The following ACSS1 variants were observed in gnomAD, a reference collection of about 807,000 sequenced individuals.
ACSS1 encodes acyl-CoA synthetase short chain family member 1, also known as acetyl-coenzyme A synthetase 2-like, mitochondrial.
A neutral mutation model predicts 75.3 loss-of-function variants in ACSS1; 42 were observed. The observed-to-expected ratio is 0.56, with a 90% confidence interval of 0.44 to 0.72. The LOEUF (loss-of-function observed/expected upper bound fraction) is 0.72, where lower values mean the gene tolerates loss of function less well. ACSS1 is among the 30% of genes least tolerant of loss of function. The pLI is 0.00. For missense variants in ACSS1, 782 were observed against 935.7 expected, an observed-to-expected ratio of 0.84 and a Z score of 2.14; for synonymous variants, 380 against 376.8, an observed-to-expected ratio of 1.01 and a Z score of -0.10.
At chr20:25,056,026 T>G (rs2089236800) in intron 1 of ACSS1, among the ~76,000 whole-genome samples, 1 of 152,252 alleles carries the variant, frequency 6.6e-6, no homozygotes, top group Admixed American at 6.5e-5. Flanking sequence ...AAGCTCAATT[T>G]CTGGCTAACG....
intron 1 of ACSS1, among the ~76,000 whole-genome samples, chr20:25,056,054 T>C (rs931378398): frequency 2.0e-5 from 3 of 152,362 alleles, no homozygotes; most frequent in Admixed American, 2.0e-4. Flanking sequence ...AAAGGCCATA[T>C]TATCAGAAGA....
intron 6 of ACSS1, 56 bp from the exon 7 acceptor site, chr20:25,020,203 A>G: frequency 2.5e-6 from 4 of 1,608,212 alleles, no homozygotes; most frequent in Non-Finnish European, 3.4e-6. Context: ...TTTACTTTAA[A>G]CTCAGAGATC....
intron 1 of ACSS1, among the ~76,000 whole-genome samples, chr20:25,057,532 G>T (rs1349975898): frequency 6.6e-6 from 1 of 152,176 alleles, no homozygotes; most frequent in Non-Finnish European, 1.5e-5. Flanking sequence ...AGCGGCCGCC[G>T]GGTCCCCGCG....
intron 1 of ACSS1, among the ~76,000 whole-genome samples, chr20:25,056,669 G>A (rs1174975584): frequency 6.6e-6 from 1 of 152,172 alleles, no homozygotes; most frequent in South Asian, 2.1e-4. Flanking sequence ...GGCTGGGGGG[G>A]CAGAACAACA....
At chr20:25,047,429 A>C (rs923581293) in intron 2 of ACSS1, among the ~76,000 whole-genome samples, 1 of 152,052 alleles carries the variant, frequency 6.6e-6, no homozygotes, top group African/African-American at 2.4e-5. Context: ...ACCCAGCCAC[A>C]CTCTGCCATG....
intron 7 of ACSS1, among the ~76,000 whole-genome samples, chr20:25,015,544 G>A (rs1226781765): frequency 6.6e-6 from 1 of 152,168 alleles, no homozygotes; most frequent in Non-Finnish European, 1.5e-5. Context: ...TGATCCACCT[G>A]CCTTGGCCTC....
Position 25,009,300 on chromosome 20 carries a change from G to T in ACSS1, c.1860C>A (p.Ile620=), listed in dbSNP as rs1313152557. The T allele has an allele frequency of 5.6e-6, 9 of 1,613,998 alleles. No individual in the cohort carries two copies. Among genetic ancestry groups the T allele is most frequent in the South Asian group, 5.5e-5 (5 of 91,084 alleles). The change falls in exon 13 of 14, where the codon ATC becomes ATA. Residue 620 remains isoleucine, a synonymous_variant. Coordinates refer to ENST00000323482, the MANE Select transcript of ACSS1 (RefSeq NM_032501.4). The part of the protein sequence containing the change: ...QELKSMVATK[I]AKYAVPDEIL... ...TCTCATCAGGCACAGCATATTTGGC[G>T]ATCTTGGTGGCCACCATGGACTTGA...
intron 2 of ACSS1, chr20:25,046,457 C>T (rs751151337): frequency 1.3e-5 from 4 of 309,010 alleles, no homozygotes; most frequent in Non-Finnish European, 2.5e-5. Context: ...AGCGTCCAGC[C>T]GAGGGGGCGT....
chr20:25,023,783 G>A, intron 3 of ACSS1, 142 bp from the exon 4 acceptor site: 4 of 785,734 alleles, frequency 5.1e-6, no homozygotes, highest in Non-Finnish European at 5.8e-6. Context: ...GAAAAAGTGA[G>A]GGGCTGCCTG....
chr20:25,025,896 T>C (rs141399994), intron 3 of ACSS1, among the ~76,000 whole-genome samples: 21 of 152,310 alleles, frequency 1.4e-4, no homozygotes, highest in African/African-American at 4.6e-4. Context: ...GGAGCCCACC[T>C]GGATATCCTA....
intron 13 of ACSS1, among the ~76,000 whole-genome samples, chr20:25,008,151 C>T (rs932055452): frequency 1.3e-5 from 2 of 152,184 alleles, no homozygotes; most frequent in East Asian, 1.9e-4. Context: ...AAATCCACCC[C>T]GATGCTCTCC....
chr20:25,042,206 G>A (rs7273310), intron 2 of ACSS1, among the ~76,000 whole-genome samples: 23,181 of 152,162 alleles, frequency 0.15, 2,093 homozygotes, highest in African/African-American at 0.24. Context: ...CCAGGAGAAC[G>A]CAAGGGAGCA....
At chr20:25,040,735 G>T (rs1420464721) in intron 2 of ACSS1, among the ~76,000 whole-genome samples, 1 of 152,164 alleles carries the variant, frequency 6.6e-6, no homozygotes, top group African/African-American at 2.4e-5. Flanking sequence ...ACTAGCCCCA[G>T]CCTGGGAGCC....
At position 25,024,608 on chromosome 20, in the gene ACSS1, C is replaced by T. The variant is rs575134938; in HGVS notation, c.632-967G>A. Among the ~76,000 whole-genome samples the T allele has an allele frequency of 4.6e-5, 7 of 152,346 alleles. No homozygotes were observed. The South Asian group carries it at 1.4e-3, about 32-fold the overall frequency. ...CTCCATAATTGGGGTACAAATCCTG[C>T]AACTCCCTACCCTTTGCATGGAGCC... On this transcript the variant is annotated intron_variant, in intron 3 of 13. Transcript: ENST00000323482.
chr20:25,013,939 T>C, intron 9 of ACSS1, 22 bp downstream of exon 9: 5 of 1,593,840 alleles, frequency 3.1e-6, no homozygotes, highest in Admixed American at 1.7e-5. Flanking sequence ...ATGACCCCCA[T>C]GTGGGGGAGG....
chr20:25,024,775 C>T (rs1244143287), intron 3 of ACSS1, among the ~76,000 whole-genome samples: 1 of 152,196 alleles, frequency 6.6e-6, no homozygotes, highest in African/African-American at 2.4e-5. Flanking sequence ...CAGGCCCACC[C>T]TTTCTCCTCC....
chr20:25,030,609 C>T (rs771630899), intron 3 of ACSS1, 150 bp downstream of exon 3: 4 of 876,288 alleles, frequency 4.6e-6, no homozygotes, highest in African/African-American at 1.7e-5. Flanking sequence ...AATTCTCATT[C>T]GGCCATGTGC....
chr20:25,008,014 A>T, intron 13 of ACSS1, 73 bp from the exon 14 acceptor site: 1 of 1,532,904 alleles, frequency 6.5e-7, no homozygotes. Flanking sequence ...CTGCATTAAG[A>T]TCAGAAGGGC....
chr20:25,014,341 GA>G (rs758783320), intron 8 of ACSS1, among the ~76,000 whole-genome samples: 55 of 152,230 alleles, frequency 3.6e-4, no homozygotes, highest in South Asian at 6.2e-4. Flanking sequence ...CTTGAAGTGG[GA>G]AAGGGCAGAG....
Sources: allele counts gnomAD v4.1 joint callset (sites outside exome capture counted in the v4.1 genomes callset), GRCh38; gene constraint gnomAD v4.1.1; transcripts MANE v1.5; gene names NCBI Gene and HGNC (gene_info 2026-07-23, HGNC 2026-07-21).